The following NRXN1 variants were observed in gnomAD, a reference collection of about 807,000 sequenced individuals.
The protein encoded by NRXN1 is neurexin-1.
NRXN1 carries 39 observed loss-of-function variants against 150.9 expected under a neutral mutation model. The observed-to-expected ratio is 0.26, with a 90% CI of 0.20 to 0.34. NRXN1 has a LOEUF of 0.34. NRXN1 is among the 10% of genes least tolerant of loss of function. NRXN1 has a pLI of 1.00. For synonymous variants in NRXN1, 924 were observed against 757.0 expected, an observed-to-expected ratio of 1.22 and a Z score of -3.62; for missense variants, 1,815 against 1,949.9, an observed-to-expected ratio of 0.93 and a Z score of 1.30.
chr2:50,719,473 G>A (rs760076167), intron 5 of NRXN1, among the ~76,000 whole-genome samples: 4 of 151,926 alleles, frequency 2.6e-5, no homozygotes, highest in South Asian at 2.1e-4. Flanking sequence ...TCAGGAGTTC[G>A]AGACCAGCCT....
intron 17 of NRXN1, among the ~76,000 whole-genome samples, chr2:50,244,377 T>C (rs544801439): frequency 2.0e-5 from 3 of 152,002 alleles, no homozygotes; most frequent in Admixed American, 6.6e-5. Flanking sequence ...GAATGAGATG[T>C]TAATGATGTT....
intron 17 of NRXN1, among the ~76,000 whole-genome samples, chr2:50,353,178 T>C (rs1465937043): frequency 6.6e-6 from 1 of 152,148 alleles, no homozygotes; most frequent in Admixed American, 6.6e-5. Context: ...GTAATCTCTA[T>C]CTTGTCTTTC....
chr2:50,391,085 T>G (rs2081657736), intron 17 of NRXN1, among the ~76,000 whole-genome samples: 1 of 152,024 alleles, frequency 6.6e-6, no homozygotes, highest in Admixed American at 6.6e-5. Flanking sequence ...TTTCAAGAAT[T>G]TTGGCCTCCC....
chr2:50,722,317 T>G (rs960123340), intron 5 of NRXN1, among the ~76,000 whole-genome samples: 9 of 152,100 alleles, frequency 5.9e-5, no homozygotes, highest in Admixed American at 3.9e-4. Flanking sequence ...TTAATTCTGA[T>G]ATATCAGCAC....
At chr2:50,348,622 T>C (rs998544034) in intron 17 of NRXN1, among the ~76,000 whole-genome samples, 1 of 152,162 alleles carries the variant, frequency 6.6e-6, no homozygotes, top group African/African-American at 2.4e-5. Flanking sequence ...ATGCTTTTGA[T>C]GAAATACAGC....
At chr2:50,360,258 A>G (rs925860538) in intron 17 of NRXN1, among the ~76,000 whole-genome samples, 3 of 152,252 alleles carry the variant, frequency 2.0e-5, no homozygotes, top group African/African-American at 7.2e-5. Context: ...TTCAAACATA[A>G]CAATATTAAC....
chr2:51,003,451 TA>T (rs1221245667), intron 2 of NRXN1, among the ~76,000 whole-genome samples: 1 of 152,018 alleles, frequency 6.6e-6, no homozygotes, highest in African/African-American at 2.4e-5. Context: ...TTAAACCTTT[TA>T]TTGAAACCTC....
At chr2:50,061,065 C>T (rs1282468127) in intron 19 of NRXN1, among the ~76,000 whole-genome samples, 1 of 152,110 alleles carries the variant, frequency 6.6e-6, no homozygotes, top group African/African-American at 2.4e-5. Context: ...TCCTTTACCT[C>T]ATGATTTTCA....
Position 50,922,694 on chromosome 2 carries a change from G to T in NRXN1, c.791-7C>A, listed in dbSNP as rs775923255. 4 of 1,610,112 alleles carry T rather than the reference G, an allele frequency of 2.5e-6. No individual in the cohort carries two copies. On this transcript the variant is annotated splice_region_variant and splice_polypyrimidine_tract_variant and intron_variant, in intron 3 of 22. Transcript: ENST00000401669. ...ATCATCAGGTGCGCCAGACCTTGAA[G>T]GGAAACAAGAGCACAGTCAGCAATA...
intron 8 of NRXN1, among the ~76,000 whole-genome samples, chr2:50,614,554 T>C (rs942756858): frequency 1.3e-5 from 2 of 150,836 alleles, no homozygotes; most frequent in African/African-American, 4.9e-5. Context: ...AGTTAATGGG[T>C]GCAGCACACC....
rs776592740 is a variant in NRXN1, at chr2:50,538,356, G to A, written c.2040C>T (p.Cys680=). The A allele has an allele frequency of 1.9e-6, 3 of 1,613,990 alleles. No homozygotes were observed. The highest frequency in any genetic ancestry group is 1.3e-5 in the African/African-American group (1 of 75,036). Residue 680 remains cysteine, a synonymous_variant, in exon 10 of 23, where the codon TGC becomes TGT. Transcript: ENST00000401669. ...CATTGTTTTTGCAAGGGTTGCTAAG[G>A]CACGGTTTTGCTGTTTCCTTTGAGC... ...PSCSKETAKP[C]LSNPCKNNGM...
At chr2:50,695,439 C>T (rs1238452472) in intron 5 of NRXN1, among the ~76,000 whole-genome samples, 1 of 152,152 alleles carries the variant, frequency 6.6e-6, no homozygotes, top group East Asian at 1.9e-4. Context: ...GTAGCCCTGC[C>T]TCATAGATCC....
At chr2:50,628,457 T>G (rs1242836212) in intron 5 of NRXN1, among the ~76,000 whole-genome samples, 2 of 151,756 alleles carry the variant, frequency 1.3e-5, no homozygotes, top group Non-Finnish European at 3.0e-5. Context: ...GGAAAATATT[T>G]CTTCCTATGT....
intron 5 of NRXN1, among the ~76,000 whole-genome samples, chr2:50,753,714 C>T (rs1319453358): frequency 6.6e-6 from 1 of 151,666 alleles, no homozygotes. Flanking sequence ...GGAAAAACTG[C>T]ATGTTTTTAG....
At chr2:50,922,087 G>C (rs1686129704) in intron 4 of NRXN1, among the ~76,000 whole-genome samples, 2 of 151,822 alleles carry the variant, frequency 1.3e-5, no homozygotes, top group Admixed American at 1.3e-4. Context: ...TTGAAGGCAA[G>C]TACATGCAAA....
chr2:50,889,479 C>T (rs1166662547), intron 5 of NRXN1, among the ~76,000 whole-genome samples: 1 of 151,698 alleles, frequency 6.6e-6, no homozygotes, highest in Non-Finnish European at 1.5e-5. Context: ...CCCATCTAAA[C>T]AAAGGAAAAA....
At chr2:50,909,058 ATTTT>A (rs543703169) in intron 5 of NRXN1, among the ~76,000 whole-genome samples, 1 of 152,034 alleles carries the variant, frequency 6.6e-6, no homozygotes, top group Non-Finnish European at 1.5e-5. Flanking sequence ...TATAGAAAGT[ATTTT>A]TTTAAGTAAA....
At chr2:50,403,126 T>C (rs1448645861) in intron 17 of NRXN1, among the ~76,000 whole-genome samples, 1 of 152,122 alleles carries the variant, frequency 6.6e-6, no homozygotes, top group Admixed American at 6.6e-5. Flanking sequence ...CATCACCTGG[T>C]TTCCAAGGAC....
At chr2:50,630,193 T>C (rs1682016286) in intron 5 of NRXN1, among the ~76,000 whole-genome samples, 1 of 151,632 alleles carries the variant, frequency 6.6e-6, no homozygotes, top group Non-Finnish European at 1.5e-5. Context: ...TAAGATTTTT[T>C]TGATATAAAA....
Sources: gnomAD v4.1 joint callset for allele counts (sites outside exome capture counted in the v4.1 genomes callset) on GRCh38, gnomAD v4.1.1 for gene constraint, MANE v1.5 for transcripts, NCBI Gene and HGNC (gene_info 2026-07-23, HGNC 2026-07-21) for gene names.